Variants in ENPP2 observed in about 807,000 individuals in gnomAD.
The protein encoded by ENPP2 is autotaxin.
ENPP2 carries 51 observed loss-of-function variants against 120.2 expected under a neutral mutation model. The observed-to-expected ratio is 0.42, with a 90% CI of 0.34 to 0.54. The LOEUF (loss-of-function observed/expected upper bound fraction) is 0.54. Ranked by LOEUF, ENPP2 falls within the 20% of genes least tolerant of loss-of-function variation. The pLI is 0.04. For synonymous variants in ENPP2, 365 were observed against 366.4 expected (o/e 1.00, Z 0.04); for missense variants, 920 against 1,066.5 (o/e 0.86, Z 1.91).
chr8:119,593,717 T>C (rs1268237059), intron 12 of ENPP2, 35 bp downstream of exon 12: 1 of 1,215,496 alleles, frequency 8.2e-7, no homozygotes, highest in South Asian at 1.2e-5. Context: ...ACATTATCCA[T>C]CTATCCTATT....
At chr8:119,579,564 A>ATTT (rs34042284) in intron 19 of ENPP2, among the ~76,000 whole-genome samples, 77 of 148,590 alleles carry the variant, frequency 5.2e-4, no homozygotes, top group African/African-American at 1.8e-3. Flanking sequence ...CAAATCACTA[A>ATTT]TTTTTTTTTT....
intron 23 of ENPP2, 93 bp from the exon 24 acceptor site, chr8:119,563,106 C>T (rs1814110476): frequency 9.8e-7 from 1 of 1,023,854 alleles, no homozygotes; most frequent in Non-Finnish European, 1.4e-6. Context: ...GCCTAAGTCA[C>T]TAAAATTAAT....
At chr8:119,589,251 G>A (rs534024483) in intron 13 of ENPP2, among the ~76,000 whole-genome samples, 94 of 152,260 alleles carry the variant, frequency 6.2e-4, no homozygotes, top group Admixed American at 1.4e-3. Flanking sequence ...GGTACAGGGC[G>A]TCACATGGTG....
intron 4 of ENPP2, among the ~76,000 whole-genome samples, chr8:119,620,495 C>A (rs977671274): frequency 6.6e-6 from 1 of 152,282 alleles, no homozygotes. Flanking sequence ...GCAGAAGTAA[C>A]TTGATTTTTT....
At chr8:119,591,596 T>C (rs1053137846) in intron 12 of ENPP2, among the ~76,000 whole-genome samples, 2 of 152,144 alleles carry the variant, frequency 1.3e-5, no homozygotes, top group Admixed American at 1.3e-4. Context: ...AGAATACTCA[T>C]ATATTTATAT....
At chr8:119,591,933 C>T (rs537085887) in intron 12 of ENPP2, among the ~76,000 whole-genome samples, 1 of 152,264 alleles carries the variant, frequency 6.6e-6, no homozygotes, top group African/African-American at 2.4e-5. Flanking sequence ...TAGGAAGTCC[C>T]TTATGCCACC....
At chr8:119,576,689 G>A (rs1320711499) in intron 19 of ENPP2, among the ~76,000 whole-genome samples, 1 of 152,136 alleles carries the variant, frequency 6.6e-6, no homozygotes, top group Non-Finnish European at 1.5e-5. Context: ...CTTGCTACAA[G>A]AGATTTTTTA....
intron 11 of ENPP2, among the ~76,000 whole-genome samples, chr8:119,595,401 T>C (rs546297966): frequency 1.3e-5 from 2 of 152,308 alleles, no homozygotes; most frequent in South Asian, 4.1e-4. Flanking sequence ...TCCTTCTCTA[T>C]AACCTACACC....
Position 119,616,333 on chromosome 8 carries a change from C to T in ENPP2, c.709G>A (p.Val237Ile), listed in dbSNP as rs1285666765. ...CGCAGATGAAAAGTGGCATCAAATA[C>T]AGGATCATACATTGAATTGCCAACA... is the stretch of plus-strand genomic sequence containing the variant. ...GIVGNSMYDP[V>I]FDATFHLRGR... The change falls in exon 8 of 25, where the codon GTA (valine) becomes ATA (isoleucine). Residue 237 changes from valine (V) to isoleucine (I), a missense_variant. Transcript: ENST00000075322. 6.2e-7 allele frequency: 1 copy of T among 1,608,994 alleles called. No homozygotes were observed. The highest frequency in any genetic ancestry group is 1.1e-5 in the South Asian group (1 of 90,694).
chr8:119,644,195 A>C (rs1309704908), intron 1 of ENPP2, among the ~76,000 whole-genome samples: 4 of 152,114 alleles, frequency 2.6e-5, no homozygotes, highest in Admixed American at 2.0e-4. Flanking sequence ...CACGGTGTAG[A>C]TATGAATCAG....
intron 1 of ENPP2, among the ~76,000 whole-genome samples, chr8:119,654,341 T>G (rs1384125872): frequency 7.0e-6 from 1 of 143,208 alleles, no homozygotes; most frequent in Admixed American, 7.1e-5. Flanking sequence ...TAGAGATATA[T>G]CTCTGTATAA....
chr8:119,619,726 A>G (rs1815752901), intron 4 of ENPP2, among the ~76,000 whole-genome samples: 1 of 152,010 alleles, frequency 6.6e-6, no homozygotes. Context: ...AAAAAAAAAA[A>G]AGTCTTAGAA....
intron 11 of ENPP2, 90 bp from the exon 12 acceptor site, chr8:119,593,950 A>C: frequency 1.2e-6 from 1 of 800,870 alleles, no homozygotes; most frequent in Non-Finnish European, 2.2e-6. Flanking sequence ...AACATTTTGG[A>C]AAGAAAACTT....
At chr8:119,603,033 C>T (rs1261741973) in intron 9 of ENPP2, among the ~76,000 whole-genome samples, 1 of 152,066 alleles carries the variant, frequency 6.6e-6, no homozygotes, top group Non-Finnish European at 1.5e-5. Context: ...ATCATGTGTG[C>T]CATAAAATGA....
At position 119,607,446 on chromosome 8, in the gene ENPP2, C is replaced by T. The variant is rs58029964; in HGVS notation, c.833+476G>A. Among the ~76,000 whole-genome samples, 182 of 152,078 alleles carry T rather than the reference C, an allele frequency of 1.2e-3. 1 individual carries two copies. The highest frequency in any genetic ancestry group is 3.9e-3 in the African/African-American group (161 of 41,518). ...ATCCCAGCACTTTGGGAGACAGAGGCGGGAGGATCACAAGGTCAGGAGTTT... is the reference window on the plus strand; with the variant it reads ...ATCCCAGCACTTTGGGAGACAGAGGTGGGAGGATCACAAGGTCAGGAGTTT... On this transcript the variant is annotated intron_variant, in intron 9 of 24. Transcript: ENST00000075322.
At chr8:119,669,095 G>T (rs1173710210) in intron 1 of ENPP2, among the ~76,000 whole-genome samples, 1 of 152,136 alleles carries the variant, frequency 6.6e-6, no homozygotes, top group African/African-American at 2.4e-5. Context: ...TAGCAAATGG[G>T]AGCCTTATAT....
upstream of ENPP2, among the ~76,000 whole-genome samples, chr8:119,640,791 C>T (rs1817260696): frequency 6.6e-6 from 1 of 152,024 alleles, no homozygotes. Flanking sequence ...TCTTGTTGCC[C>T]AGGCTGGAGT....
At chr8:119,628,405 C>T (rs531035831) in intron 2 of ENPP2, among the ~76,000 whole-genome samples, 1 of 152,282 alleles carries the variant, frequency 6.6e-6, no homozygotes, top group South Asian at 2.1e-4. Context: ...ACCATTTACA[C>T]ATATTTGCAA....
intron 1 of ENPP2, among the ~76,000 whole-genome samples, chr8:119,669,355 T>C (rs1818173676): frequency 6.6e-6 from 1 of 152,234 alleles, no homozygotes; most frequent in Non-Finnish European, 1.5e-5. Context: ...ATGTTTCAGG[T>C]GCATTCACAT....
Sources: gnomAD v4.1 joint callset for allele counts (sites outside exome capture counted in the v4.1 genomes callset) on GRCh38, gnomAD v4.1.1 for gene constraint, MANE v1.5 for transcripts, NCBI Gene and HGNC (gene_info 2026-07-23, HGNC 2026-07-21) for gene names.